The following RNF17 variants were observed in gnomAD, a reference collection of about 807,000 sequenced individuals.
RNF17 encodes spermatogenesis associated 23.
RNF17 carries 31 observed loss-of-function variants against 200.5 expected under a neutral mutation model. The ratio of observed to expected loss-of-function variants is 0.15; its 90% CI spans 0.12 to 0.21. The LOEUF is 0.21. Ranked by LOEUF, RNF17 falls within the 10% of genes least tolerant of loss-of-function variation. The pLI, the probability that RNF17 is intolerant of heterozygous loss-of-function variation, is 1.00. For synonymous variants in RNF17, 606 were observed against 637.8 expected, an observed-to-expected ratio of 0.95 and a Z score of 0.75; for missense variants, 1,628 against 1,905.1, an observed-to-expected ratio of 0.85 and a Z score of 2.71.
intron 24 of RNF17, among the ~76,000 whole-genome samples, chr13:24,852,766 A>G (rs574498524): frequency 1.2e-4 from 19 of 152,312 alleles, no homozygotes; most frequent in African/African-American, 4.1e-4. Flanking sequence ...AGTTAATACT[A>G]CTGACATTGT....
chr13:24,770,239 A>C (rs1458433838), intron 2 of RNF17, among the ~76,000 whole-genome samples: 1 of 152,206 alleles, frequency 6.6e-6, no homozygotes, highest in African/African-American at 2.4e-5. Flanking sequence ...GAAACTACAG[A>C]ATAAATGCTT....
intron 25 of RNF17, 147 bp downstream of exon 25, chr13:24,854,291 A>G: frequency 1.7e-6 from 1 of 589,954 alleles, no homozygotes; most frequent in African/African-American, 1.9e-5. Flanking sequence ...AGTGCTTTTA[A>G]TAATGCCTAA....
rs552677881 is a variant in RNF17, at chr13:24,798,118, TA to T, written c.1400-1274del. Among the ~76,000 whole-genome samples the T allele has an allele frequency of 6.6e-5, 10 of 152,316 alleles. No homozygotes were observed. The East Asian group carries it at 1.9e-3, about 29-fold the overall frequency. On this transcript the variant is annotated intron_variant, in intron 11 of 35. Coordinates refer to ENST00000255324, the MANE Select transcript of RNF17 (RefSeq NM_031277.3). Reference sequence around the variant, plus strand: ...AAATATCTTACTTGTTCATCTTTCTTAAATGTACATTTAGCTCACACTTGTT... The same window carrying T: ...AAATATCTTACTTGTTCATCTTTCTTAATGTACATTTAGCTCACACTTGTT...
intron 10 of RNF17, among the ~76,000 whole-genome samples, chr13:24,793,623 A>G (rs1884165859): frequency 6.6e-6 from 1 of 152,214 alleles, no homozygotes; most frequent in Non-Finnish European, 1.5e-5. Flanking sequence ...GTTCTCACAT[A>G]TAAGCCTTGT....
chr13:24,804,947 T>C (rs780759871), intron 15 of RNF17, among the ~76,000 whole-genome samples: 74 of 152,240 alleles, frequency 4.9e-4, no homozygotes, highest in Non-Finnish European at 9.3e-4. Context: ...AATTAACTCA[T>C]TAATCTTTGC....
intron 34 of RNF17, among the ~76,000 whole-genome samples, chr13:24,878,955 C>T (rs3819031): frequency 0.41 from 62,708 of 152,006 alleles, 13,055 homozygotes; most frequent in Admixed American, 0.45. Context: ...TGACAAAGCC[C>T]ACTGGCTTCA....
intron 18 of RNF17, among the ~76,000 whole-genome samples, chr13:24,834,666 A>C (rs1229613671): frequency 2.0e-5 from 3 of 152,214 alleles, no homozygotes. Context: ...TAGAAGAAGC[A>C]GCAGAAAGGC....
chr13:24,825,837 G>C, intron 16 of RNF17, 65 bp downstream of exon 16: 1 of 1,509,542 alleles, frequency 6.6e-7, no homozygotes, highest in Non-Finnish European at 9.0e-7. Context: ...CATTTGAGTT[G>C]GTACCAATTC....
chr13:24,806,027 T>C lies in RNF17; in HGVS notation c.2091+1598T>C, dbSNP rs369081512. ...ACATTAGGTATTTCTCCTAATGCTATCCCTCCTCTTGTCCCCACCCCACAA... is the reference window on the plus strand; with the variant it reads ...ACATTAGGTATTTCTCCTAATGCTACCCCTCCTCTTGTCCCCACCCCACAA... On this transcript the variant is annotated intron_variant, in intron 15 of 35. Coordinates refer to ENST00000255324, the MANE Select transcript of RNF17 (RefSeq NM_031277.3). Among the ~76,000 whole-genome samples the C allele has an allele frequency of 3.9e-5, 6 of 152,270 alleles. No individual in the cohort carries two copies. The South Asian group carries it at 1.0e-3, about 26-fold the overall frequency.
chr13:24,753,649 G>A, the RNF17 span, among the ~76,000 whole-genome samples: 1 of 152,210 alleles, frequency 6.6e-6, no homozygotes, highest in Non-Finnish European at 1.5e-5. Context: ...AGGGTCATTT[G>A]TGGAGCAAAA....
intron 11 of RNF17, among the ~76,000 whole-genome samples, chr13:24,797,679 G>GGA (rs140460990): frequency 0.17 from 19,959 of 120,462 alleles, 1,524 homozygotes; most frequent in Middle Eastern, 0.21. Flanking sequence ...TGAGTGGCAG[G>GGA]GAGAGAGAGA....
the RNF17 span, among the ~76,000 whole-genome samples, chr13:24,756,457 T>C: frequency 6.6e-6 from 1 of 152,182 alleles, no homozygotes; most frequent in African/African-American, 2.4e-5. Context: ...TTGTTTTCTG[T>C]GTCTGTGGAA....
chr13:24,811,856 A>T (rs1284288206), intron 15 of RNF17, among the ~76,000 whole-genome samples: 2 of 152,030 alleles, frequency 1.3e-5, no homozygotes, highest in Non-Finnish European at 2.9e-5. Flanking sequence ...GTTTTCCTTC[A>T]TACAGACAGG....
At chr13:24,759,263 G>A (rs1878481055), upstream of RNF17, among the ~76,000 whole-genome samples, 1 of 152,070 alleles carries the variant, frequency 6.6e-6, no homozygotes, top group African/African-American at 2.4e-5. Flanking sequence ...TTCTCATGGG[G>A]AAAAGTAAGC....
At chr13:24,841,843 G>T (rs368460803) in intron 18 of RNF17, among the ~76,000 whole-genome samples, 198 bp from the exon 19 acceptor site, 5 of 152,116 alleles carry the variant, frequency 3.3e-5, no homozygotes, top group African/African-American at 1.2e-4. Flanking sequence ...GACAGTGTCT[G>T]TAGTCCCAGC....
chr13:24,789,599 T>G lies in RNF17; in HGVS notation c.861-99T>G, dbSNP rs1430870351. The G allele has an allele frequency of 7.5e-6, 7 of 929,206 alleles. No individual in the cohort carries two copies. In the Admixed American group the frequency reaches 1.2e-4, roughly 16 times the overall value. 57.6% of individuals were successfully genotyped at this position (929,206 alleles called of 1,614,324 possible). A position where few individuals can be genotyped will look rare whatever the true frequency, so the allele number is the denominator to read the frequency against. On this transcript the variant is annotated intron_variant, in intron 8 of 35. Transcript: ENST00000255324. Reference sequence around the variant, plus strand: ...CTAACTTAGAAAGTTATTTAAATGTTTCCTTTTCAATTCATTAATGTCAGC... The same window carrying G: ...CTAACTTAGAAAGTTATTTAAATGTGTCCTTTTCAATTCATTAATGTCAGC...
At chr13:24,749,303 C>CTTT in the RNF17 span, among the ~76,000 whole-genome samples, 42 of 31,938 alleles carry the variant, frequency 1.3e-3, no homozygotes, top group Admixed American at 4.7e-3. Flanking sequence ...TTCTTTCTTT[C>CTTT]TTTCTTTTTT....
intron 1 of RNF17, among the ~76,000 whole-genome samples, chr13:24,764,770 G>C (rs970695270): frequency 2.6e-5 from 4 of 152,132 alleles, no homozygotes; most frequent in Non-Finnish European, 5.9e-5. Flanking sequence ...GGATTTTGTT[G>C]TTGTTGTTAG....
chr13:24,813,639 T>C (rs984402494), intron 15 of RNF17, among the ~76,000 whole-genome samples: 1 of 152,094 alleles, frequency 6.6e-6, no homozygotes, highest in African/African-American at 2.4e-5. Flanking sequence ...ACTTTTTTTT[T>C]TCTTTTCTTG....
Sources: allele counts gnomAD v4.1 joint callset (sites outside exome capture counted in the v4.1 genomes callset), GRCh38; gene constraint gnomAD v4.1.1; transcripts MANE v1.5; gene names NCBI Gene and HGNC (gene_info 2026-07-23, HGNC 2026-07-21).